The following SHQ1 variants were observed in gnomAD, a reference collection of about 807,000 sequenced individuals.
The protein encoded by SHQ1 is protein SHQ1 homolog.
Under a neutral mutation model 53.8 loss-of-function variants are expected in SHQ1, and 49 were observed. The observed-to-expected ratio is 0.91, with a 90% CI of 0.72 to 1.16. The LOEUF (loss-of-function observed/expected upper bound fraction) is 1.16, where lower values mean the gene tolerates loss of function less well. Ranked by LOEUF, SHQ1 falls within the 50% of genes most tolerant of loss-of-function variation. The probability of loss-of-function intolerance (pLI) is 0.00; values close to 1 mark genes in which losing one functional copy is unlikely to be tolerated. For missense variants in SHQ1, 738 were observed against 683.1 expected (o/e 1.08, Z -0.90); for synonymous variants, 243 against 251.0 (o/e 0.97, Z 0.30).
chr3:72,841,748 T>C (rs1387111228), intron 3 of SHQ1, among the ~76,000 whole-genome samples: 1 of 152,178 alleles, frequency 6.6e-6, no homozygotes, highest in African/African-American at 2.4e-5. Context: ...GGGATGAAAC[T>C]GTTCTACCTC....
intron 9 of SHQ1, among the ~76,000 whole-genome samples, chr3:72,806,772 T>G (rs1229687172): frequency 1.3e-5 from 2 of 152,164 alleles, no homozygotes; most frequent in African/African-American, 4.8e-5. Flanking sequence ...AAGTCCCAAT[T>G]CAAATCTCAC....
the SHQ1 span, among the ~76,000 whole-genome samples, chr3:72,730,065 G>T: frequency 6.6e-6 from 1 of 152,066 alleles, no homozygotes; most frequent in Non-Finnish European, 1.5e-5. Context: ...TGATCCGCCT[G>T]CCTCGGCTTC....
At position 72,835,129 on chromosome 3, in the gene SHQ1, C is replaced by CA. The variant is rs1206542947; in HGVS notation, c.487-2649dup. On this transcript the variant is annotated intron_variant, in intron 4 of 10. Transcript: ENST00000325599. ...TTCTTTTTTTTTTTTTTTTTTGAGA[C>CA]AGAGTATCCAGGATACTCTCCCCAT... 2.8e-5 allele frequency among the ~76,000 whole-genome samples: 4 copies of CA among 142,768 alleles called. No individual in the cohort carries two copies. The South Asian group carries it at 8.8e-4, about 32-fold the overall frequency. The allele number at this position is 142,768 out of a possible 152,430, so 93.7% of individuals were successfully genotyped here. A position where few individuals can be genotyped will look rare whatever the true frequency, so the allele number is the denominator to read the frequency against.
intron 10 of SHQ1, chr3:72,753,187 G>C (rs577794993): frequency 1.0e-6 from 1 of 985,390 alleles, no homozygotes; most frequent in East Asian, 1.1e-4. Flanking sequence ...TAAACATGCT[G>C]ACATGGTTTC....
chr3:72,785,137 TGA>T (rs1001354826), intron 10 of SHQ1, among the ~76,000 whole-genome samples: 1 of 152,200 alleles, frequency 6.6e-6, no homozygotes, highest in Non-Finnish European at 1.5e-5. Flanking sequence ...CCATGTGCAG[TGA>T]GAGAGAAGAG....
chr3:72,798,250 G>A (rs1446420223), intron 9 of SHQ1, among the ~76,000 whole-genome samples: 1 of 152,154 alleles, frequency 6.6e-6, no homozygotes, highest in African/African-American at 2.4e-5. Context: ...CCACAAAATG[G>A]CACTAACAGC....
the SHQ1 span, among the ~76,000 whole-genome samples, chr3:72,734,829 C>T: frequency 6.6e-6 from 1 of 151,708 alleles, no homozygotes; most frequent in Non-Finnish European, 1.5e-5. Flanking sequence ...TTAACTCTTA[C>T]TGTCATGCCT....
the SHQ1 span, among the ~76,000 whole-genome samples, chr3:72,739,849 C>A: frequency 6.6e-6 from 1 of 152,220 alleles, no homozygotes; most frequent in South Asian, 2.1e-4. Context: ...GCAGTGTAAG[C>A]TTAAGAAGGT....
chr3:72,738,084 G>C, the SHQ1 span, among the ~76,000 whole-genome samples: 1 of 152,082 alleles, frequency 6.6e-6, no homozygotes, highest in South Asian at 2.1e-4. Context: ...CTCCACCTGA[G>C]ACATGAACAC....
At chr3:72,765,558 T>TATATATATATATATATATATATATA (rs1491541493) in intron 10 of SHQ1, among the ~76,000 whole-genome samples, 5 of 63,468 alleles carry the variant, frequency 7.9e-5, no homozygotes, top group African/African-American at 5.3e-4. Context: ...TATATATATA[T>TATATATATATATATATATATATATA]TTTTTTTTTT....
intron 1 of SHQ1, chr3:72,846,351 A>T: frequency 1.3e-6 from 2 of 1,504,742 alleles, no homozygotes; most frequent in Non-Finnish European, 8.8e-7. Flanking sequence ...CTGGAGTGCG[A>T]TAGCGCAATC....
the SHQ1 span, among the ~76,000 whole-genome samples, chr3:72,738,087 A>C: frequency 2.6e-5 from 4 of 152,068 alleles, no homozygotes; most frequent in Non-Finnish European, 4.4e-5. Flanking sequence ...CACCTGAGAC[A>C]TGAACACCCC....
chr3:72,837,747 A>T (rs894577436), intron 4 of SHQ1, among the ~76,000 whole-genome samples: 1 of 152,246 alleles, frequency 6.6e-6, no homozygotes, highest in Non-Finnish European at 1.5e-5. Context: ...CTTTACTCAT[A>T]GAATTAGGGT....
chr3:72,825,190 C>G (rs868773065), intron 5 of SHQ1, among the ~76,000 whole-genome samples: 1 of 152,078 alleles, frequency 6.6e-6, no homozygotes, highest in Non-Finnish European at 1.5e-5. Context: ...TGAAGCAAAT[C>G]TGAAGACACA....
chr3:72,777,352 A>G (rs920916104), intron 10 of SHQ1, among the ~76,000 whole-genome samples: 1 of 152,210 alleles, frequency 6.6e-6, no homozygotes, highest in African/African-American at 2.4e-5. Context: ...ATAAATCAAA[A>G]AGAAAGGAAG....
At chr3:72,738,107 T>C in the SHQ1 span, among the ~76,000 whole-genome samples, 3 of 152,018 alleles carry the variant, frequency 2.0e-5, no homozygotes, top group Non-Finnish European at 4.4e-5. Flanking sequence ...CACCCTAACG[T>C]CCCTCTGCTC....
At chr3:72,735,220 A>G in the SHQ1 span, among the ~76,000 whole-genome samples, 16 of 151,678 alleles carry the variant, frequency 1.1e-4, 1 homozygote, top group South Asian at 2.1e-4. Context: ...ATATCACCCC[A>G]AAACTTAGTG....
At chr3:72,754,384 CT>C (rs376060192) in intron 10 of SHQ1, among the ~76,000 whole-genome samples, 314 of 140,794 alleles carry the variant, frequency 2.2e-3, no homozygotes, top group Middle Eastern at 7.1e-3. Flanking sequence ...TTTTCTTCTT[CT>C]TTTTTTTTTT....
At chr3:72,764,034 A>C (rs1047929175) in intron 10 of SHQ1, among the ~76,000 whole-genome samples, 4 of 152,112 alleles carry the variant, frequency 2.6e-5, no homozygotes, top group Non-Finnish European at 4.4e-5. Context: ...ACACCACTAA[A>C]AATAGCAACA....
Sources: allele counts gnomAD v4.1 joint callset (sites outside exome capture counted in the v4.1 genomes callset), GRCh38; gene constraint gnomAD v4.1.1; transcripts MANE v1.5; gene names NCBI Gene and HGNC (gene_info 2026-07-23, HGNC 2026-07-21).